RELN: variants seen among roughly 807,000 people sequenced by gnomAD.
The protein encoded by RELN is reelin.
A neutral mutation model predicts 427.6 loss-of-function variants in RELN; 108 were observed. The ratio of observed to expected loss-of-function variants is 0.25; its 90% CI spans 0.22 to 0.30. The LOEUF (loss-of-function observed/expected upper bound fraction) is 0.30. RELN is among the 10% of genes least tolerant of loss of function. The probability of loss-of-function intolerance (pLI) is 1.00; values close to 1 mark genes in which losing one functional copy is unlikely to be tolerated. For missense variants in RELN, 3,715 were observed against 4,302.8 expected (o/e 0.86, Z 3.82); for synonymous variants, 1,524 against 1,513.4 (o/e 1.01, Z -0.16).
At chr7:103,528,640 T>G (rs1020494988) in intron 46 of RELN, among the ~76,000 whole-genome samples, 6 of 152,072 alleles carry the variant, frequency 3.9e-5, no homozygotes, top group Admixed American at 6.5e-5. Flanking sequence ...GCGATCCTTA[T>G]GCCTCAGCCT....
chr7:103,550,226 C>A (rs1011516584), intron 41 of RELN, among the ~76,000 whole-genome samples: 1 of 152,154 alleles, frequency 6.6e-6, no homozygotes, highest in Admixed American at 6.6e-5. Context: ...TTCACTTTCA[C>A]CCTTTTGGAA....
chr7:103,668,954 CCTT>C (rs1437734567), intron 11 of RELN, among the ~76,000 whole-genome samples: 9 of 152,154 alleles, frequency 5.9e-5, no homozygotes, highest in African/African-American at 2.2e-4. Flanking sequence ...ACTAAAAGAA[CCTT>C]CTATTTAAGT....
intron 10 of RELN, among the ~76,000 whole-genome samples, chr7:103,691,527 C>T (rs1266083514): frequency 1.3e-5 from 2 of 152,036 alleles, no homozygotes; most frequent in South Asian, 2.1e-4. Flanking sequence ...AACAGTCATT[C>T]GTAGGCCAGG....
intron 2 of RELN, among the ~76,000 whole-genome samples, chr7:103,905,162 G>A (rs1175060672): frequency 5.9e-5 from 9 of 151,642 alleles, no homozygotes; most frequent in Admixed American, 5.9e-4. Flanking sequence ...TATATTTTTA[G>A]TAGAGACAGG....
intron 8 of RELN, among the ~76,000 whole-genome samples, chr7:103,721,484 C>T (rs1584435086): frequency 6.6e-6 from 1 of 152,034 alleles, no homozygotes; most frequent in African/African-American, 2.4e-5. Context: ...TCTCTGATTA[C>T]CTCCTCTTCT....
Position 103,620,764 on chromosome 7 carries a change from G to A in RELN, c.2703-8961C>T, listed in dbSNP as rs527487859. ...GCTGGGATTACAGGTGTGAGCCACCGCGCCTGGCCTAACCTGATCCACATT... is the reference window on the plus strand; with the variant it reads ...GCTGGGATTACAGGTGTGAGCCACCACGCCTGGCCTAACCTGATCCACATT... On this transcript the variant is annotated intron_variant, in intron 20 of 64. Coordinates refer to ENST00000428762, the MANE Select transcript of RELN (RefSeq NM_005045.4). This position sits in a 1 kb window ranked among gnomAD's most constrained non-coding sequence, Gnocchi z 4.1. Among the ~76,000 whole-genome samples, 106 of 152,190 alleles carry A rather than the reference G, an allele frequency of 7.0e-4. No homozygotes were observed. Among genetic ancestry groups the A allele is most frequent in the South Asian group, 3.7e-3 (18 of 4,818 alleles).
intron 11 of RELN, among the ~76,000 whole-genome samples, chr7:103,668,261 A>G (rs1232338157): frequency 6.6e-6 from 1 of 152,154 alleles, no homozygotes; most frequent in East Asian, 1.9e-4. Flanking sequence ...ATATAATTAT[A>G]TATGTATAAT....
At chr7:103,597,022 A>G (rs1831553350) in intron 24 of RELN, among the ~76,000 whole-genome samples, 1 of 152,212 alleles carries the variant, frequency 6.6e-6, no homozygotes, top group Non-Finnish European at 1.5e-5. Context: ...AAGACCATCT[A>G]TTTGAAATCT....
intron 33 of RELN, among the ~76,000 whole-genome samples, chr7:103,565,962 A>T (rs969518287): frequency 1.9e-4 from 18 of 93,976 alleles, no homozygotes; most frequent in African/African-American, 7.7e-4. Context: ...GAAACATAGG[A>T]ATGTCCTCTC....
chr7:103,717,100 C>A (rs1044554827), intron 8 of RELN, among the ~76,000 whole-genome samples: 2 of 152,084 alleles, frequency 1.3e-5, no homozygotes, highest in East Asian at 1.9e-4. Flanking sequence ...TGTCAAATTG[C>A]GCATTTTAAT....
chr7:103,885,851 G>A (rs1456417814), intron 2 of RELN, among the ~76,000 whole-genome samples: 1 of 152,090 alleles, frequency 6.6e-6, no homozygotes, highest in Non-Finnish European at 1.5e-5. Flanking sequence ...ATGTTGCGTT[G>A]AGATACTTAC....
At chr7:103,925,498 G>A (rs182940750) in intron 1 of RELN, among the ~76,000 whole-genome samples, 3 of 152,042 alleles carry the variant, frequency 2.0e-5, no homozygotes, top group East Asian at 3.9e-4. Flanking sequence ...TATTTTTCAC[G>A]TTACTTTTAT....
At chr7:103,987,568 C>T (rs930557742) in intron 1 of RELN, among the ~76,000 whole-genome samples, 2 of 152,208 alleles carry the variant, frequency 1.3e-5, no homozygotes, top group African/African-American at 4.8e-5. Flanking sequence ...ACCAGCCTCA[C>T]TCACTTACCC....
chr7:103,540,594 C>A, intron 43 of RELN, 139 bp from the exon 44 acceptor site: 1 of 757,180 alleles, frequency 1.3e-6, no homozygotes, highest in South Asian at 1.6e-5. Flanking sequence ...CCAAAGCAAT[C>A]ACTTCAAAGT....
At chr7:103,739,427 T>C (rs560568434) in intron 6 of RELN, among the ~76,000 whole-genome samples, 2 of 152,324 alleles carry the variant, frequency 1.3e-5, no homozygotes, top group South Asian at 4.1e-4. Flanking sequence ...AAGACACTAT[T>C]GATGCCCTCT....
At chr7:103,804,555 G>A (rs1156483887) in intron 3 of RELN, among the ~76,000 whole-genome samples, 1 of 152,118 alleles carries the variant, frequency 6.6e-6, no homozygotes, top group Non-Finnish European at 1.5e-5. Context: ...GTTAGAATAT[G>A]TTTAAAGAAA....
intron 30 of RELN, 46 bp downstream of exon 30, chr7:103,574,046 G>A (rs546123765): frequency 1.4e-6 from 2 of 1,414,340 alleles, no homozygotes; most frequent in South Asian, 2.3e-5. Flanking sequence ...ACATCGTGTG[G>A]TAAATAATAT....
intron 2 of RELN, among the ~76,000 whole-genome samples, chr7:103,900,184 C>T (rs959368402): frequency 2.0e-5 from 3 of 152,124 alleles, no homozygotes; most frequent in Non-Finnish European, 4.4e-5. Context: ...CATGAGTGAA[C>T]TCCCATTCAC....
rs545635666 is a variant in RELN at position 103,929,039 on chromosome 7, T to C, written c.227-11854A>G. 5.0e-3 allele frequency among the ~76,000 whole-genome samples: 763 copies of C among 152,334 alleles called. 6 individuals carry two copies. The highest frequency in any genetic ancestry group is 8.6e-3 in the Non-Finnish European group (583 of 68,030). ...AGAGATGAGGTTAAGTCAGCATATC[T>C]TGTTGTGGGAAATCCTTGCTGGATG... On this transcript the variant is annotated intron_variant, in intron 1 of 64. Coordinates refer to ENST00000428762, the MANE Select transcript of RELN (RefSeq NM_005045.4).
Sources: allele counts gnomAD v4.1 joint callset (sites outside exome capture counted in the v4.1 genomes callset), GRCh38; gene constraint gnomAD v4.1.1; non-coding constraint Gnocchi (gnomAD v3.1); transcripts MANE v1.5; gene names NCBI Gene and HGNC (gene_info 2026-07-23, HGNC 2026-07-21).